The following KAZN variants were observed in gnomAD, a reference collection of about 807,000 sequenced individuals.
KAZN encodes the protein kazrin.
A neutral mutation model predicts 87.4 loss-of-function variants in KAZN; 40 were observed. That is an observed-to-expected ratio of 0.46 (90% CI 0.36 to 0.60). The LOEUF is 0.60. Among genes scored for constraint, KAZN ranks in the 20% least tolerant of loss-of-function variants. The pLI, the probability that KAZN is intolerant of heterozygous loss-of-function variation, is 0.00. For missense variants in KAZN, 898 were observed against 1,073.9 expected (o/e 0.84, Z 2.29); for synonymous variants, 466 against 458.3 (o/e 1.02, Z -0.22).
At chr1:14,476,014 ACT>A (rs754343123) in intron 2 of KAZN, among the ~76,000 whole-genome samples, 3 of 152,018 alleles carry the variant, frequency 2.0e-5, no homozygotes, top group African/African-American at 7.3e-5. Context: ...TACTACACAG[ACT>A]CTCTCGCCTT....
At position 15,114,497 on chromosome 1, in the gene KAZN, C is replaced by T. The variant is rs1163886795; in HGVS notation, c.2190C>T (p.Gly730=). Residue 730 remains glycine, a synonymous_variant, in exon 15 of 15, where the codon GGC becomes GGT. Coordinates refer to ENST00000376030, the MANE Select transcript of KAZN (RefSeq NM_201628.3). The part of the protein sequence containing the change: ...GRLPLGKIGR[G]FSSKDPDFHD... Reference sequence around the variant, plus strand: ...TGCCCCTGGGGAAGATAGGAAGGGGCTTCAGCAGCAAAGATCCCGATTTCC... The same window carrying T: ...TGCCCCTGGGGAAGATAGGAAGGGGTTTCAGCAGCAAAGATCCCGATTTCC... 2 of 1,611,932 alleles carry T rather than the reference C, an allele frequency of 1.2e-6. No individual in the cohort carries two copies. The highest frequency in any genetic ancestry group is 1.7e-6 in the Non-Finnish European group (2 of 1,179,058).
intron 1 of KAZN, among the ~76,000 whole-genome samples, chr1:14,055,699 C>T (rs1044209984): frequency 6.6e-6 from 1 of 152,186 alleles, no homozygotes; most frequent in Non-Finnish European, 1.5e-5. Flanking sequence ...GGTAGATTTT[C>T]AGTTCCTCTG....
At chr1:15,088,046 T>C (rs2100656563) in intron 8 of KAZN, among the ~76,000 whole-genome samples, 1 of 152,332 alleles carries the variant, frequency 6.6e-6, no homozygotes, top group East Asian at 1.9e-4. Flanking sequence ...AGTGCCAGCC[T>C]CTGAACGTCT....
intron 1 of KAZN, among the ~76,000 whole-genome samples, chr1:14,672,901 C>A (rs920135772): frequency 6.6e-6 from 1 of 152,330 alleles, no homozygotes; most frequent in Non-Finnish European, 1.5e-5. Flanking sequence ...CTGATGCCCT[C>A]TTCTCTGAGC....
chr1:14,234,392 C>T (rs6690713), intron 2 of KAZN, among the ~76,000 whole-genome samples: 6,020 of 118,668 alleles, frequency 0.051, 151 homozygotes, highest in Middle Eastern at 0.075. Context: ...CATCACACAC[C>T]GGGGCCTGTT....
chr1:14,149,864 G>A (rs1282888543), intron 1 of KAZN, among the ~76,000 whole-genome samples: 1 of 152,066 alleles, frequency 6.6e-6, no homozygotes, highest in Non-Finnish European at 1.5e-5. Context: ...TGTGTGATTT[G>A]CATATGGAAC....
intron 1 of KAZN, among the ~76,000 whole-genome samples, chr1:14,790,851 C>A (rs1572489641): frequency 6.6e-6 from 1 of 152,168 alleles, no homozygotes; most frequent in Admixed American, 6.5e-5. Flanking sequence ...CACCACTATG[C>A]CAACTAACTT....
At chr1:14,152,918 GATTTGCATTT>G (rs1191125930) in intron 1 of KAZN, among the ~76,000 whole-genome samples, 2 of 152,066 alleles carry the variant, frequency 1.3e-5, no homozygotes, top group Non-Finnish European at 2.9e-5. Flanking sequence ...TTGTAGTTTT[GATTTGCATTT>G]ATCTGATGAT....
intron 2 of KAZN, among the ~76,000 whole-genome samples, chr1:14,257,056 A>G (rs1345237893): frequency 6.6e-6 from 1 of 152,172 alleles, no homozygotes; most frequent in Non-Finnish European, 1.5e-5. Flanking sequence ...TTAATCAGAA[A>G]GTTCATCCTT....
intron 8 of KAZN, among the ~76,000 whole-genome samples, chr1:15,078,184 G>A (rs985981084): frequency 6.6e-6 from 1 of 152,134 alleles, no homozygotes; most frequent in African/African-American, 2.4e-5. Flanking sequence ...GGAGGCCAAG[G>A]TGGGCAGATT....
intron 13 of KAZN, among the ~76,000 whole-genome samples, chr1:15,110,358 GTA>G (rs1198799510): frequency 6.8e-6 from 1 of 146,460 alleles, no homozygotes; most frequent in Non-Finnish European, 1.5e-5. Flanking sequence ...ATGTTTGTGT[GTA>G]TGTGTGTATA....
At chr1:14,524,285 G>A (rs1010126758) in intron 2 of KAZN, among the ~76,000 whole-genome samples, 3 of 152,134 alleles carry the variant, frequency 2.0e-5, no homozygotes, top group Non-Finnish European at 4.4e-5. Flanking sequence ...GCCTCCCGAA[G>A]TGCTGAGATT....
chr1:14,190,864 T>A (rs899021645), intron 2 of KAZN, among the ~76,000 whole-genome samples: 1 of 152,090 alleles, frequency 6.6e-6, no homozygotes, highest in African/African-American at 2.4e-5. Flanking sequence ...TGCACACTTA[T>A]AAGAAATAAT....
intron 1 of KAZN, among the ~76,000 whole-genome samples, chr1:14,743,674 C>A (rs1644180185): frequency 6.6e-6 from 1 of 152,124 alleles, no homozygotes; most frequent in Non-Finnish European, 1.5e-5. Context: ...GATCTGTTGT[C>A]CCCCAAGTTG....
chr1:14,686,268 T>C lies in KAZN; in HGVS notation c.226+87045T>C, dbSNP rs184778802. 4.7e-4 allele frequency among the ~76,000 whole-genome samples: 71 copies of C among 152,298 alleles called. No homozygotes were observed. In the East Asian group the frequency reaches 0.012, roughly 26 times the overall value. ...TTGGTAGAGATGGGTTTTCACCATG[T>C]TGGCCAGGATGGTCTCTGTCTCTTG... On this transcript the variant is annotated intron_variant, in intron 1 of 14. Transcript: ENST00000376030.
chr1:14,365,368 T>TGG (rs796259489), intron 2 of KAZN, among the ~76,000 whole-genome samples: 2,377 of 82,750 alleles, frequency 0.029, 47 homozygotes, highest in East Asian at 0.052. Context: ...CCCCCCGGGG[T>TGG]GGGGGGGGGG....
chr1:14,570,322 G>C (rs1056171744), intron 2 of KAZN, among the ~76,000 whole-genome samples: 1 of 152,138 alleles, frequency 6.6e-6, no homozygotes, highest in African/African-American at 2.4e-5. Flanking sequence ...AGAATTGTAT[G>C]TCATCACTCA....
In KAZN at chr1:15,099,580, G is replaced by A. The variant is rs779848910; in HGVS notation, c.1548-1963G>A. Among the ~76,000 whole-genome samples the A allele has an allele frequency of 5.3e-5, 8 of 152,120 alleles. No individual in the cohort carries two copies. The highest frequency in any genetic ancestry group is 7.4e-5 in the Non-Finnish European group (5 of 68,016). ...GAAGAGCTCAGTGCCTCCAGGAAAC[G>A]GCCCCCAGGACCCCAAGCCCCATGT... On this transcript the variant is annotated intron_variant, in intron 10 of 14. Coordinates refer to ENST00000376030, the MANE Select transcript of KAZN (RefSeq NM_201628.3). This position sits in a 1 kb window ranked among gnomAD's most constrained non-coding sequence, Gnocchi z 5.4.
In KAZN at chr1:15,117,173, C is replaced by T. The variant is rs1641871268; in HGVS notation, c.*2538C>T. On this transcript the variant is annotated 3_prime_UTR_variant, in exon 15 of 15. Coordinates refer to ENST00000376030, the MANE Select transcript of KAZN (RefSeq NM_201628.3). ...AGAAGGCGGAGACTTGGCAGAGAGA[C>T]TCAAGCTGATTGTCACAGGCTACAG... 6.6e-6 allele frequency: 1 copy of T among 152,266 alleles called. No individual in the cohort carries two copies. Among genetic ancestry groups the T allele is most frequent in the South Asian group, 2.1e-4 (1 of 4,836 alleles). The allele number at this position is 152,266 out of a possible 1,614,324, so 9.4% of individuals were successfully genotyped here.
Sources: gnomAD v4.1 joint callset for allele counts (sites outside exome capture counted in the v4.1 genomes callset) on GRCh38, gnomAD v4.1.1 for gene constraint, Gnocchi (gnomAD v3.1) non-coding constraint, MANE v1.5 for transcripts, NCBI Gene and HGNC (gene_info 2026-07-23, HGNC 2026-07-21) for gene names.